The following NRG1 variants were observed in gnomAD, a reference collection of about 807,000 sequenced individuals.
NRG1 encodes the protein pro-neuregulin-1, membrane-bound isoform.
A neutral mutation model predicts 63.8 loss-of-function variants in NRG1; 18 were observed. The ratio of observed to expected loss-of-function variants is 0.28; its 90% CI spans 0.19 to 0.42. The LOEUF is 0.42. Among genes scored for constraint, NRG1 ranks in the 10% least tolerant of loss-of-function variants. NRG1 has a pLI of 1.00. For missense variants in NRG1, 762 were observed against 814.7 expected, an observed-to-expected ratio of 0.94 and a Z score of 0.79; for synonymous variants, 302 against 301.3, an observed-to-expected ratio of 1.00 and a Z score of -0.02.
intron 1 of NRG1, among the ~76,000 whole-genome samples, chr8:31,730,820 T>C (rs993229335): frequency 1.3e-5 from 2 of 151,968 alleles, no homozygotes; most frequent in African/African-American, 2.4e-5. Context: ...TAAAAGTCAA[T>C]ATAAGTAAAA....
intron 1 of NRG1, among the ~76,000 whole-genome samples, chr8:31,983,616 A>C (rs1423401408): frequency 6.6e-6 from 1 of 151,990 alleles, no homozygotes; most frequent in East Asian, 1.9e-4. Flanking sequence ...TCCAGGGTTC[A>C]TGTGATGTGC....
At chr8:32,322,355 T>TTATATATATATATA (rs149742517) in intron 1 of NRG1, among the ~76,000 whole-genome samples, 30 of 142,660 alleles carry the variant, frequency 2.1e-4, no homozygotes, top group African/African-American at 7.9e-4. Flanking sequence ...CAACCTTATT[T>TTATATATATATATA]TATATATATA....
At chr8:32,039,390 G>A (rs1408119032) in intron 1 of NRG1, among the ~76,000 whole-genome samples, 5 of 152,036 alleles carry the variant, frequency 3.3e-5, no homozygotes, top group Non-Finnish European at 7.4e-5. Flanking sequence ...AGAGGAGGAG[G>A]CAATGGAAAA....
chr8:32,731,102 G>T (rs971933438), intron 6 of NRG1, among the ~76,000 whole-genome samples: 25 of 152,166 alleles, frequency 1.6e-4, no homozygotes, highest in African/African-American at 6.0e-4. Flanking sequence ...AACCAGGGCA[G>T]TTCTTTTCCA....
intron 1 of NRG1, among the ~76,000 whole-genome samples, chr8:32,125,920 A>C (rs1416386748): frequency 6.6e-6 from 1 of 151,938 alleles, no homozygotes; most frequent in African/African-American, 2.4e-5. Context: ...AGGGGATTCT[A>C]TTCAGTTTGC....
chr8:32,525,775 G>T (rs973762758), intron 1 of NRG1, among the ~76,000 whole-genome samples: 1 of 151,928 alleles, frequency 6.6e-6, no homozygotes, highest in Non-Finnish European at 1.5e-5. Flanking sequence ...TCCAATTTTT[G>T]AGGCTTTCTA....
chr8:31,898,276 A>G (rs1037751074), intron 1 of NRG1, among the ~76,000 whole-genome samples: 15 of 152,156 alleles, frequency 9.9e-5, no homozygotes, highest in African/African-American at 3.6e-4. Context: ...CTCTTCAAAT[A>G]TTAAGAGTTT....
chr8:31,788,572 C>T (rs995605806), intron 1 of NRG1, among the ~76,000 whole-genome samples: 3 of 152,134 alleles, frequency 2.0e-5, no homozygotes, highest in Non-Finnish European at 2.9e-5. Context: ...ACTATTAGCA[C>T]ATCTGAGGAC....
chr8:31,772,758 G>C (rs1270854119), intron 1 of NRG1, among the ~76,000 whole-genome samples: 1 of 152,152 alleles, frequency 6.6e-6, no homozygotes, highest in Non-Finnish European at 1.5e-5. Context: ...AGACTGGGTT[G>C]TTGTAATGGC....
chr8:32,458,943 C>T (rs1206698956), intron 1 of NRG1, among the ~76,000 whole-genome samples: 1 of 152,182 alleles, frequency 6.6e-6, no homozygotes, highest in African/African-American at 2.4e-5. Flanking sequence ...TCTTTCTCCT[C>T]TGTTTAACTT....
intron 1 of NRG1, among the ~76,000 whole-genome samples, chr8:32,451,239 A>C (rs1820906023): frequency 6.6e-6 from 1 of 152,182 alleles, no homozygotes; most frequent in Admixed American, 6.5e-5. Flanking sequence ...TCTCACCATC[A>C]GAGCCATCTG....
intron 1 of NRG1, among the ~76,000 whole-genome samples, chr8:32,207,072 C>A (rs1844141986): frequency 6.6e-6 from 1 of 152,094 alleles, no homozygotes; most frequent in Non-Finnish European, 1.5e-5. Flanking sequence ...TTACTGTGTT[C>A]CTTTTATTTA....
intron 1 of NRG1, among the ~76,000 whole-genome samples, chr8:32,529,884 C>G (rs894856053): frequency 6.6e-6 from 1 of 152,130 alleles, no homozygotes; most frequent in South Asian, 2.1e-4. Context: ...AGAAGGAGTG[C>G]ACTTAAAAGA....
intron 1 of NRG1, among the ~76,000 whole-genome samples, chr8:31,753,874 A>G (rs1444320201): frequency 1.3e-5 from 2 of 152,112 alleles, no homozygotes; most frequent in Admixed American, 6.6e-5. Context: ...AGTTACTAGT[A>G]TCTAGAGTGG....
In NRG1 at chr8:32,406,726, G is replaced by C. The variant is rs556663144; in HGVS notation, c.38-189102G>C. Among the ~76,000 whole-genome samples the C allele has an allele frequency of 9.2e-4, 140 of 151,584 alleles. 1 individual carries two copies. The highest frequency in any genetic ancestry group is 7.2e-3 in the Admixed American group (110 of 15,222). On this transcript the variant is annotated intron_variant, in intron 1 of 10. Coordinates refer to the NRG1 transcript ENST00000519301. ...TTTCTCTTCGTCCTTTTTTTTTAAA[G>C]GCAAGATCTGCCTTCATCTTCGGTT...
At chr8:32,140,811 G>A (rs1479648131) in intron 1 of NRG1, among the ~76,000 whole-genome samples, 4 of 152,068 alleles carry the variant, frequency 2.6e-5, no homozygotes, top group Non-Finnish European at 5.9e-5. Context: ...TCACAACTCA[G>A]GGTGACAACC....
chr8:32,228,381 G>C (rs1846553297), intron 1 of NRG1, among the ~76,000 whole-genome samples: 1 of 152,182 alleles, frequency 6.6e-6, no homozygotes, highest in Non-Finnish European at 1.5e-5. Context: ...GTCCCACTGA[G>C]ATAGGTTGAA....
intron 5 of NRG1, among the ~76,000 whole-genome samples, chr8:32,662,408 G>C (rs889376706): frequency 2.6e-5 from 4 of 152,096 alleles, no homozygotes; most frequent in East Asian, 1.9e-4. Flanking sequence ...GGTGATGAAG[G>C]CCTGATCAGG....
intron 1 of NRG1, among the ~76,000 whole-genome samples, chr8:32,122,593 T>C (rs1833591706): frequency 1.3e-5 from 2 of 151,968 alleles, no homozygotes; most frequent in South Asian, 4.1e-4. Context: ...CAGAAGATTG[T>C]TGTTTGATTT....
Sources: allele counts gnomAD v4.1 joint callset (sites outside exome capture counted in the v4.1 genomes callset), GRCh38; gene constraint gnomAD v4.1.1; transcripts MANE v1.5; gene names NCBI Gene and HGNC (gene_info 2026-07-23, HGNC 2026-07-21).